The following ODF2 variants were observed in gnomAD, a reference collection of about 807,000 sequenced individuals.
ODF2 encodes outer dense fiber protein 2.
ODF2 carries 47 observed loss-of-function variants against 110.2 expected under a neutral mutation model. That is an observed-to-expected ratio of 0.43 (90% CI 0.34 to 0.54). ODF2 has a LOEUF of 0.54. ODF2 is among the 20% of genes least tolerant of loss of function. The probability of loss-of-function intolerance (pLI) is 0.03; values close to 1 mark genes in which losing one functional copy is unlikely to be tolerated. For missense variants in ODF2, 812 were observed against 1,054.5 expected (o/e 0.77, Z 3.19); for synonymous variants, 352 against 397.7 (o/e 0.89, Z 1.37).
chr9:128,476,711 C>T (rs1207411147), intron 8 of ODF2, among the ~76,000 whole-genome samples: 1 of 149,882 alleles, frequency 6.7e-6, no homozygotes, highest in Non-Finnish European at 1.5e-5. Context: ...GATATCGGCT[C>T]ACTGCAACTT....
intron 8 of ODF2, among the ~76,000 whole-genome samples, chr9:128,479,961 G>A (rs530508727): frequency 1.2e-4 from 18 of 152,192 alleles, no homozygotes; most frequent in East Asian, 3.9e-4. Flanking sequence ...TGAATTTTAC[G>A]CTTAAAAATG....
intron 8 of ODF2, among the ~76,000 whole-genome samples, chr9:128,478,892 T>C (rs1384479880): frequency 6.6e-6 from 1 of 152,190 alleles, no homozygotes; most frequent in Admixed American, 6.5e-5. Flanking sequence ...CCCTTCCAGC[T>C]GTGTGGCCTC....
intron 14 of ODF2, 147 bp from the exon 15 acceptor site, chr9:128,492,279 T>G (rs1024061770): frequency 6.3e-6 from 4 of 637,924 alleles, no homozygotes; most frequent in Non-Finnish European, 2.8e-6. Context: ...GAGTCTTACC[T>G]GCTTCTCGGT....
At chr9:128,456,465 G>A in intron 1 of ODF2, 1 of 1,518,492 alleles carries the variant, frequency 6.6e-7, no homozygotes, top group Non-Finnish European at 8.8e-7. Flanking sequence ...CGGGCGGTCG[G>A]CCGCCTCCTT....
In ODF2 at chr9:128,492,892, G is replaced by C; in HGVS notation, c.1752+87G>C. ...GAGTCTGTTCCCCTTGTTTGCCTTTGACCCTACCTGATTTGGGCAACAAAG... is the reference window on the plus strand; with the variant it reads ...GAGTCTGTTCCCCTTGTTTGCCTTTCACCCTACCTGATTTGGGCAACAAAG... On this transcript the variant is annotated intron_variant, in intron 16 of 20. Transcript: ENST00000604420. The C allele has an allele frequency of 5.9e-6, 7 of 1,178,506 alleles. No homozygotes were observed. The South Asian group carries it at 9.7e-5, about 16-fold the overall frequency. The allele number at this position is 1,178,506 out of a possible 1,614,324, so 73.0% of individuals were successfully genotyped here.
intron 8 of ODF2, among the ~76,000 whole-genome samples, chr9:128,474,534 G>A (rs1286538986): frequency 6.6e-6 from 1 of 151,660 alleles, no homozygotes. Flanking sequence ...GGTGGCAGGC[G>A]CCAGTAATCT....
intron 8 of ODF2, 46 bp downstream of exon 8, chr9:128,473,787 CCT>C: frequency 3.9e-6 from 6 of 1,534,036 alleles, no homozygotes; most frequent in Non-Finnish European, 5.4e-6. Context: ...GCATGCCCAT[CCT>C]CTCTGAGCCT....
chr9:128,470,021 ATATATATAT>A (rs1839499425), intron 5 of ODF2, among the ~76,000 whole-genome samples: 1 of 37,928 alleles, frequency 2.6e-5, no homozygotes, highest in Admixed American at 3.3e-4. Flanking sequence ...AAAAAAAAAT[ATATATATAT>A]ATATATATAT....
chr9:128,497,514 G>C (rs1485400164), intron 18 of ODF2: 9 of 135,518 alleles, frequency 6.6e-5, no homozygotes, highest in African/African-American at 1.4e-4. Context: ...CGCAGTGGCG[G>C]GCGCCTGTAG....
chr9:128,459,931 G>GA (rs924417574), intron 3 of ODF2, among the ~76,000 whole-genome samples: 6 of 151,298 alleles, frequency 4.0e-5, no homozygotes, highest in East Asian at 1.9e-4. Context: ...AAAAAGAAGA[G>GA]AAAAAAAAAG....
chr9:128,456,843 CG>C, intron 1 of ODF2: 1 of 1,313,640 alleles, frequency 7.6e-7, no homozygotes, highest in African/African-American at 1.5e-5. Context: ...GCGGGGCGCC[CG>C]GGGCCCGTGC....
chr9:128,494,507 C>T lies in ODF2; in HGVS notation c.1753-3C>T. ...TCCTGTGGGTCTTTCCTTCCTGTTT[C>T]AGGCACGAAGGCAGTTCCAGTCTCA... On this transcript the variant is annotated splice_region_variant and splice_polypyrimidine_tract_variant and intron_variant, in intron 16 of 20. Transcript: ENST00000604420. The surrounding 1 kb of genome is among the most constrained non-coding windows in gnomAD (Gnocchi z 4.6). The T allele has an allele frequency of 1.2e-6, 2 of 1,613,868 alleles. No homozygotes were observed. Among genetic ancestry groups the T allele is most frequent in the Non-Finnish European group, 1.7e-6 (2 of 1,179,782 alleles).
chr9:128,498,872 T>C (rs1846084573), intron 19 of ODF2, 129 bp from the exon 20 acceptor site: 5 of 1,284,332 alleles, frequency 3.9e-6, no homozygotes, highest in Non-Finnish European at 4.4e-6. Context: ...CCCAGCGTTC[T>C]AGAGAACACA....
In ODF2 at chr9:128,494,406, C is replaced by T; in HGVS notation, c.1753-104C>T. 2 of 1,006,168 alleles carry T rather than the reference C, an allele frequency of 2.0e-6. No homozygotes were observed. Among genetic ancestry groups the T allele is most frequent in the Non-Finnish European group, 3.0e-6 (2 of 668,230 alleles). The allele number at this position is 1,006,168 out of a possible 1,614,324, so 62.3% of individuals were successfully genotyped here. ...CAGGATCCTCCACTGGGGACTGTGT[C>T]AGCCCTGCCCTAACTCTAAAGGACT... On this transcript the variant is annotated intron_variant, in intron 16 of 20. Transcript: ENST00000604420. The surrounding 1 kb of genome is among the most constrained non-coding windows in gnomAD (Gnocchi z 4.6).
chr9:128,473,328 C>T, intron 7 of ODF2: 2 of 864,458 alleles, frequency 2.3e-6, no homozygotes, highest in Non-Finnish European at 2.8e-6. Flanking sequence ...GCCACCAGGT[C>T]TTGTCATCCT....
At chr9:128,498,164 A>G in intron 18 of ODF2, 1 of 363,868 alleles carries the variant, frequency 2.7e-6, no homozygotes. Context: ...GATGCTATCC[A>G]CACTTAACAA....
At chr9:128,457,655 T>C (rs1835256173) in intron 2 of ODF2, among the ~76,000 whole-genome samples, 1 of 152,232 alleles carries the variant, frequency 6.6e-6, no homozygotes, top group Admixed American at 6.5e-5. Context: ...ATGTCACAGC[T>C]TCCTGGAAGC....
intron 13 of ODF2, among the ~76,000 whole-genome samples, chr9:128,486,968 C>G (rs1428782916): frequency 6.6e-6 from 1 of 152,144 alleles, no homozygotes; most frequent in Non-Finnish European, 1.5e-5. Flanking sequence ...CAGAGAGATT[C>G]CAGGAGGTGT....
At position 128,466,326 on chromosome 9, in the gene ODF2, G is replaced by A. The variant is rs1404084619; in HGVS notation, c.250-2857G>A. 2.6e-5 allele frequency among the ~76,000 whole-genome samples: 4 copies of A among 152,030 alleles called. No homozygotes were observed. In the South Asian group the frequency reaches 8.3e-4, roughly 32 times the overall value. On this transcript the variant is annotated intron_variant, in intron 4 of 20. Coordinates refer to ENST00000604420, the Ensembl canonical transcript of ODF2. ...ACCAAAAATACAAAAAATTAGCCCA[G>A]TGTGGTGGTGTGCACTTGTGGTCCC...
Sources: gnomAD v4.1 joint callset for allele counts (sites outside exome capture counted in the v4.1 genomes callset) on GRCh38, gnomAD v4.1.1 for gene constraint, Gnocchi (gnomAD v3.1) non-coding constraint, MANE v1.5 for transcripts, NCBI Gene and HGNC (gene_info 2026-07-23, HGNC 2026-07-21) for gene names.